The following VPS45 variants were observed in gnomAD, a reference collection of about 807,000 sequenced individuals.
The protein encoded by VPS45 is vacuolar protein sorting-associated protein 45.
VPS45 carries 35 observed loss-of-function variants against 75.9 expected under a neutral mutation model. The observed-to-expected ratio is 0.46, with a 90% CI of 0.35 to 0.61. The LOEUF is 0.61. Among genes scored for constraint, VPS45 ranks in the 20% least tolerant of loss-of-function variants. The pLI is 0.00. For missense variants in VPS45, 559 were observed against 685.9 expected (o/e 0.81, Z 2.07); for synonymous variants, 220 against 238.2 (o/e 0.92, Z 0.70).
rs1657582031 is a variant in VPS45 at position 150,110,408 on chromosome 1, A to AT, written c.1494-88_1494-87insT. The stretch of plus-strand genomic sequence containing the variant: ...ATTCTGCTTCCTCCACCAAAAAAAA[A>AT]GATTTAGAAATTAAAACTCTGTGTA... On this transcript the variant is annotated intron_variant, in intron 13 of 14. Transcript: ENST00000644510. 28 of 1,337,268 alleles carry AT rather than the reference A, an allele frequency of 2.1e-5. No individual in the cohort carries two copies. In the South Asian group the frequency reaches 4.0e-4, roughly 19 times the overall value. 82.8% of individuals were successfully genotyped at this position (1,337,268 alleles called of 1,614,324 possible). A position where few individuals can be genotyped will look rare whatever the true frequency, so the allele number is the denominator to read the frequency against.
chr1:150,094,726 A>G (rs781944282), intron 13 of VPS45, among the ~76,000 whole-genome samples: 1 of 152,218 alleles, frequency 6.6e-6, no homozygotes, highest in Non-Finnish European at 1.5e-5. Flanking sequence ...GAGGCTTTTT[A>G]AAAAACAACT....
intron 14 of VPS45, among the ~76,000 whole-genome samples, chr1:150,119,015 A>T (rs1222523509): frequency 2.0e-5 from 3 of 152,244 alleles, no homozygotes; most frequent in African/African-American, 7.2e-5. Context: ...AAGTGTTTAT[A>T]GTTTACTTTT....
chr1:150,137,654 C>T (rs1363090179), intron 14 of VPS45, among the ~76,000 whole-genome samples: 1 of 152,204 alleles, frequency 6.6e-6, no homozygotes, highest in Non-Finnish European at 1.5e-5. Context: ...GTGGCTCACG[C>T]CTGTAATCCT....
chr1:150,081,786 C>T lies in VPS45; in HGVS notation c.823-98C>T, dbSNP rs1421900607. 9.3e-6 allele frequency: 7 copies of T among 755,458 alleles called. No individual in the cohort carries two copies. In the Admixed American group the frequency reaches 2.1e-4, roughly 22 times the overall value. The allele number at this position is 755,458 out of a possible 1,614,324, so 46.8% of individuals were successfully genotyped here. A position where few individuals can be genotyped will look rare whatever the true frequency, so the allele number is the denominator to read the frequency against. On this transcript the variant is annotated intron_variant, in intron 8 of 14. Transcript: ENST00000644510. Reference sequence around the variant, plus strand: ...TGGTAATTAAAATAGAATTTCCCTGCCCTTCAATTCTGTGTTCCAAATTCT... The same window carrying T: ...TGGTAATTAAAATAGAATTTCCCTGTCCTTCAATTCTGTGTTCCAAATTCT...
intron 13 of VPS45, 89 bp downstream of exon 13, chr1:150,093,737 A>G (rs932701717): frequency 2.3e-4 from 338 of 1,462,842 alleles, no homozygotes; most frequent in Non-Finnish European, 3.0e-4. Context: ...AGCTGAGGTT[A>G]TAGCATTCTG....
intron 13 of VPS45, among the ~76,000 whole-genome samples, chr1:150,103,480 G>T (rs1657153820): frequency 6.6e-6 from 1 of 152,102 alleles, no homozygotes; most frequent in South Asian, 2.1e-4. Flanking sequence ...TCTTTGCGAG[G>T]TACACAATTG....
At chr1:150,120,338 A>G (rs74127456) in intron 14 of VPS45, among the ~76,000 whole-genome samples, 3,281 of 152,316 alleles carry the variant, frequency 0.022, 98 homozygotes, top group African/African-American at 0.074. Context: ...TATCAAGATC[A>G]CTTTTACTGT....
rs1408348696 is a variant in VPS45 at position 150,118,771 on chromosome 1, T to A, written c.1625+8144T>A. On this transcript the variant is annotated intron_variant, in intron 14 of 14. Transcript: ENST00000644510. ...GTCCTGCGAAGGCCTTATGCTAGAT[T>A]CTTCCAGCTATTGTCAGCGTTGGTA... 2.6e-5 allele frequency among the ~76,000 whole-genome samples: 4 copies of A among 152,340 alleles called. No homozygotes were observed. The East Asian group carries it at 7.7e-4, about 29-fold the overall frequency.
At chr1:150,082,053 T>G in intron 9 of VPS45, 56 bp downstream of exon 9, 1 of 1,121,586 alleles carries the variant, frequency 8.9e-7, no homozygotes, top group Non-Finnish European at 1.3e-6. Context: ...ACTATTCATG[T>G]AAGCAACACT....
At chr1:150,091,818 A>T in intron 10 of VPS45, 119 bp from the exon 11 acceptor site, 1 of 868,232 alleles carries the variant, frequency 1.2e-6, no homozygotes, top group Non-Finnish European at 1.7e-6. Flanking sequence ...TAAATGTATG[A>T]CTTATAATTG....
In VPS45 at chr1:150,082,799, A is replaced by T; in HGVS notation, c.1020A>T (p.Arg340=). The change falls in exon 10 of 15, where the codon CGA becomes CGT. Residue 340 remains arginine (R), a synonymous_variant. Coordinates refer to ENST00000644510, the MANE Select transcript of VPS45 (RefSeq NM_007259.5). ...KHVTVVGELS[R]LVSERNLLEV... is the part of the protein sequence containing the mutation. Reference sequence around the variant, plus strand: ...TGACAGTGGTTGGAGAACTGTCTCGATTGGTCAGTGAACGGAATCTGCTGG... The same window carrying T: ...TGACAGTGGTTGGAGAACTGTCTCGTTTGGTCAGTGAACGGAATCTGCTGG... 6.2e-7 allele frequency: 1 copy of T among 1,614,144 alleles called. No homozygotes were observed. The highest frequency in any genetic ancestry group is 8.5e-7 in the Non-Finnish European group (1 of 1,180,018).
chr1:150,115,116 C>T lies in VPS45; in HGVS notation c.1625+4489C>T, dbSNP rs1657862439. On this transcript the variant is annotated intron_variant, in intron 14 of 14. Transcript: ENST00000644510. ...AATTTTACAGTCATTATTTCTTTGA[C>T]TGTTGCTTCTCTTTCATCTCCTGTT... Among the ~76,000 whole-genome samples the T allele has an allele frequency of 3.9e-5, 6 of 152,088 alleles. 1 individual carries two copies. In the South Asian group the frequency reaches 1.2e-3, roughly 31 times the overall value.
intron 13 of VPS45, among the ~76,000 whole-genome samples, chr1:150,098,234 T>C (rs1656783347): frequency 6.6e-6 from 1 of 152,244 alleles, no homozygotes; most frequent in Non-Finnish European, 1.5e-5. Context: ...GTTACATATC[T>C]ATCCTTCCTA....
chr1:150,112,345 T>C (rs1405774236), intron 14 of VPS45, among the ~76,000 whole-genome samples: 1 of 152,182 alleles, frequency 6.6e-6, no homozygotes, highest in African/African-American at 2.4e-5. Flanking sequence ...CTGCCTTTGG[T>C]GTCATGCCTA....
At chr1:150,088,905 A>G (rs1553801340) in intron 10 of VPS45, among the ~76,000 whole-genome samples, 1 of 152,154 alleles carries the variant, frequency 6.6e-6, no homozygotes, top group African/African-American at 2.4e-5. Context: ...TACTGATTTC[A>G]TTTCCTTTGG....
chr1:150,093,700 A>G (rs1553802530), intron 13 of VPS45, 52 bp downstream of exon 13: 1 of 1,579,936 alleles, frequency 6.3e-7, no homozygotes, highest in Admixed American at 1.9e-5. Flanking sequence ...GAACAAACAG[A>G]AAATTTAGAG....
intron 13 of VPS45, among the ~76,000 whole-genome samples, chr1:150,099,387 C>T (rs112820016): frequency 0.046 from 7,040 of 151,590 alleles, 555 homozygotes; most frequent in African/African-American, 0.16. Flanking sequence ...GTGGCAGATG[C>T]CTGCAGTCCC....
chr1:150,097,474 C>T (rs1319293444), intron 13 of VPS45, among the ~76,000 whole-genome samples: 2 of 151,466 alleles, frequency 1.3e-5, no homozygotes, highest in African/African-American at 4.8e-5. Flanking sequence ...AATCCCAGCA[C>T]TTTGGGAGGC....
chr1:150,114,477 A>G (rs1317325521), intron 14 of VPS45, among the ~76,000 whole-genome samples: 1 of 151,930 alleles, frequency 6.6e-6, no homozygotes, highest in East Asian at 1.9e-4. Context: ...CAAAAAAAAA[A>G]AAAAAAATTA....
Sources: gnomAD v4.1 joint callset for allele counts (sites outside exome capture counted in the v4.1 genomes callset) on GRCh38, gnomAD v4.1.1 for gene constraint, MANE v1.5 for transcripts, NCBI Gene and HGNC (gene_info 2026-07-23, HGNC 2026-07-21) for gene names.